The following TRPM4 variants were observed in gnomAD, a reference collection of about 807,000 sequenced individuals.
The protein encoded by TRPM4 is transient receptor potential cation channel subfamily M member 4, also known as calcium-activated non-selective cation channel 1.
Under a neutral mutation model 135.6 loss-of-function variants are expected in TRPM4, and 124 were observed. The ratio of observed to expected loss-of-function variants is 0.91; its 90% CI spans 0.79 to 1.06. The LOEUF is 1.06. Among genes scored for constraint, TRPM4 ranks in the 50% least tolerant of loss-of-function variants. TRPM4 has a pLI of 0.00. For missense variants in TRPM4, 1,658 were observed against 1,671.4 expected (o/e 0.99, Z 0.14); for synonymous variants, 745 against 705.6 (o/e 1.06, Z -0.88).
rs754039984 is a variant in TRPM4, at chr19:49,172,063, G to A, written c.1105G>A (p.Gly369Arg). 1.9e-6 allele frequency: 3 copies of A among 1,613,916 alleles called. No homozygotes were observed. The highest frequency in any genetic ancestry group is 1.3e-5 in the African/African-American group (1 of 74,866). The change falls in exon 9 of 25, where the codon GGG becomes AGG. Residue 369 changes from glycine (G) to arginine (R), a missense_variant. This residue lies in a region of TRPM4 where 1,412 missense variants were observed against 1,408.7 expected (regional missense o/e 1.00). Coordinates refer to ENST00000252826, the MANE Select transcript of TRPM4 (RefSeq NM_017636.4). ...ELLTVYSSED[G>R]SEEFETIVLK... Reference sequence around the variant, plus strand: ...CCTGACAGTCTATTCTTCTGAGGATGGGTCTGAGGAATTCGAGACCATAGT... The same window carrying A: ...CCTGACAGTCTATTCTTCTGAGGATAGGTCTGAGGAATTCGAGACCATAGT...
At chr19:49,190,672 G>C (rs768258511) in intron 15 of TRPM4, 24 bp from the exon 16 acceptor site, 1 of 1,612,548 alleles carries the variant, frequency 6.2e-7, no homozygotes, top group South Asian at 1.1e-5. Flanking sequence ...CTCATTTCTT[G>C]CTCTGTGCTT....
chr19:49,171,769 G>A lies in TRPM4; in HGVS notation c.1050G>A (p.Gln350=), dbSNP rs542569450. ...GGGACCTTGAGGTCCTGCAGGCCCA[G>A]GTATGACACTGGGGGCCCAACTCTG... ...PKGDLEVLQA[Q]VERIMTRKEL... The change falls in exon 8 of 25, where the codon CAG becomes CAA. Residue 350 remains glutamine (Q), a splice_region_variant and synonymous_variant. Transcript: ENST00000252826. This position sits in a 1 kb window ranked among gnomAD's most constrained non-coding sequence, Gnocchi z 4.7. 8.7e-6 allele frequency: 14 copies of A among 1,608,790 alleles called. No individual in the cohort carries two copies. In the African/African-American group the frequency reaches 1.6e-4, roughly 18 times the overall value.
chr19:49,166,916 C>T (rs2122788714), intron 3 of TRPM4, among the ~76,000 whole-genome samples: 1 of 149,462 alleles, frequency 6.7e-6, no homozygotes. Flanking sequence ...CTGTCTGTTT[C>T]TCCGGGTCTC....
At chr19:49,158,344 C>T (rs1470911903) in intron 2 of TRPM4, 85 bp downstream of exon 2, 4 of 1,261,966 alleles carry the variant, frequency 3.2e-6, no homozygotes, top group Non-Finnish European at 4.6e-6. Context: ...AGCCCTGCTC[C>T]TTCCCCATTC....
chr19:49,197,350 T>C (rs28508580), intron 17 of TRPM4, among the ~76,000 whole-genome samples: 2,228 of 110,466 alleles, frequency 0.02, 27 homozygotes, highest in African/African-American at 0.042. Context: ...CTTTCTTTCT[T>C]TCTTTCTTTC....
At chr19:49,206,024 G>C (rs192637670) in intron 20 of TRPM4, among the ~76,000 whole-genome samples, 1 of 152,102 alleles carries the variant, frequency 6.6e-6, no homozygotes, top group Non-Finnish European at 1.5e-5. Context: ...GCAGTGGCAC[G>C]ATCTCTGCTC....
At chr19:49,190,873 A>T in intron 16 of TRPM4, 100 bp downstream of exon 16, 1 of 1,027,054 alleles carries the variant, frequency 9.7e-7, no homozygotes, top group Non-Finnish European at 1.5e-6. Flanking sequence ...GAGTTGCTAC[A>T]AAGTTGCTAA....
Position 49,210,125 on chromosome 19 carries a change from C to A in TRPM4, c.3132-84C>A. Reference sequence around the variant, plus strand: ...CTTCTGTCTGCTGCTATAGACTGAACAATTATTGCCTGGCATCTAACCTTC... The same window carrying A: ...CTTCTGTCTGCTGCTATAGACTGAAAAATTATTGCCTGGCATCTAACCTTC... On this transcript the variant is annotated intron_variant, in intron 20 of 24. Transcript: ENST00000252826. The surrounding 1 kb of genome is among the most constrained non-coding windows in gnomAD (Gnocchi z 4.1). 7.4e-7 allele frequency: 1 copy of A among 1,353,136 alleles called. No individual in the cohort carries two copies. Among genetic ancestry groups the A allele is most frequent in the Non-Finnish European group, 1.1e-6 (1 of 941,942 alleles). 83.8% of individuals were successfully genotyped at this position (1,353,136 alleles called of 1,614,324 possible).
intron 12 of TRPM4, among the ~76,000 whole-genome samples, chr19:49,188,252 T>G (rs1462200247): frequency 6.6e-6 from 1 of 152,194 alleles, no homozygotes; most frequent in Non-Finnish European, 1.5e-5. Flanking sequence ...TGGAGTCGGT[T>G]AGGTCTGATT....
In TRPM4 at chr19:49,182,625, G is replaced by A. The variant is rs1159391285; in HGVS notation, c.1311G>A (p.Arg437=). ...TCATGGACGCCCTGCTGAATGACCG[G>A]CCTGAGTTCGTGCGCTTGCTCATTT... The part of the protein sequence containing the change: ...ASLMDALLND[R]PEFVRLLISH... Residue 437 remains arginine, a synonymous_variant, in exon 11 of 25, where the codon CGG becomes CGA. Transcript: ENST00000252826. The A allele has an allele frequency of 6.2e-7, 1 of 1,614,100 alleles. No individual in the cohort carries two copies. The highest frequency in any genetic ancestry group is 1.6e-4 in the Middle Eastern group (1 of 6,062).
At chr19:49,165,346 A>T (rs1184875681) in intron 2 of TRPM4, among the ~76,000 whole-genome samples, 3 of 152,198 alleles carry the variant, frequency 2.0e-5, no homozygotes, top group Non-Finnish European at 4.4e-5. Context: ...AGGGTTAGGC[A>T]TTCAAAAATA....
chr19:49,197,746 G>A (rs1968752013), intron 17 of TRPM4, among the ~76,000 whole-genome samples: 2 of 151,178 alleles, frequency 1.3e-5, no homozygotes, highest in South Asian at 4.2e-4. Context: ...GCAGTGGTAC[G>A]ATCTTGGCTC....
intron 2 of TRPM4, 171 bp downstream of exon 2, chr19:49,158,430 C>T: frequency 3.0e-6 from 2 of 665,870 alleles, no homozygotes; most frequent in South Asian, 3.4e-5. Context: ...TGTGTAGACA[C>T]CCCTCATTCC....
In TRPM4 at chr19:49,196,400, C is replaced by T. The variant is rs766829364; in HGVS notation, c.2211-40C>T. ...ATGGTGGAGATCAGGACTCAGAGGT[C>T]AGAGTGAGGCCTCCTCCCTTCTCTT... On this transcript the variant is annotated intron_variant, in intron 16 of 24. Transcript: ENST00000252826. 25 of 1,493,304 alleles carry T rather than the reference C, an allele frequency of 1.7e-5. No individual in the cohort carries two copies. In the South Asian group the frequency reaches 3.2e-4, roughly 19 times the overall value. 92.5% of individuals were successfully genotyped at this position (1,493,304 alleles called of 1,614,324 possible). A position where few individuals can be genotyped will look rare whatever the true frequency, so the allele number is the denominator to read the frequency against.
At position 49,211,051 on chromosome 19, in the gene TRPM4, C is replaced by T. The variant is rs753714695; in HGVS notation, c.3498C>T (p.Arg1166=). ...DLALKQLGHI[R]EYEQRLKVLE... is the part of the protein sequence containing the mutation. The stretch of plus-strand genomic sequence containing the variant: ...CACTGAAACAGCTGGGACACATCCG[C>T]GAGTACGAACAGCGCCTGAAAGTGC... The change falls in exon 23 of 25, where the codon CGC becomes CGT. Residue 1166 remains arginine (R), a synonymous_variant. Coordinates refer to ENST00000252826, the MANE Select transcript of TRPM4 (RefSeq NM_017636.4). This position sits in a 1 kb window ranked among gnomAD's most constrained non-coding sequence, Gnocchi z 4.8. 10 of 1,613,984 alleles carry T rather than the reference C, an allele frequency of 6.2e-6. No homozygotes were observed. Among genetic ancestry groups the T allele is most frequent in the Middle Eastern group, 1.6e-4 (1 of 6,082 alleles).
At chr19:49,175,208 T>C (rs911138300) in intron 9 of TRPM4, among the ~76,000 whole-genome samples, 1 of 151,784 alleles carries the variant, frequency 6.6e-6, no homozygotes, top group African/African-American at 2.4e-5. Flanking sequence ...CCCAAGTAGC[T>C]GGGATTACAG....
chr19:49,180,697 T>A (rs1967884116), intron 9 of TRPM4, among the ~76,000 whole-genome samples: 1 of 152,098 alleles, frequency 6.6e-6, no homozygotes, highest in East Asian at 1.9e-4. Context: ...CCCTCCACCC[T>A]GCCTTCCATT....
At chr19:49,199,378 C>T (rs1968828292) in intron 17 of TRPM4, among the ~76,000 whole-genome samples, 1 of 152,186 alleles carries the variant, frequency 6.6e-6, no homozygotes, top group African/African-American at 2.4e-5. Context: ...CCTGCCTCAG[C>T]CTACTGAGTA....
chr19:49,188,820 G>A (rs751543003), intron 13 of TRPM4, 50 bp downstream of exon 13: 5 of 1,612,928 alleles, frequency 3.1e-6, no homozygotes, highest in Non-Finnish European at 3.4e-6. Context: ...GCCGCCAGAG[G>A]GGGATGTGCA....
Sources: gnomAD v4.1 joint callset for allele counts (sites outside exome capture counted in the v4.1 genomes callset) on GRCh38, gnomAD v4.1.1 for gene constraint, gnomAD v4.1.1 regional missense constraint, Gnocchi (gnomAD v3.1) non-coding constraint, MANE v1.5 for transcripts, NCBI Gene and HGNC (gene_info 2026-07-23, HGNC 2026-07-21) for gene names.